The following GPR158 variants were observed in gnomAD, a reference collection of about 807,000 sequenced individuals.
GPR158 encodes the protein metabotropic glycine receptor.
GPR158 carries 30 observed loss-of-function variants against 78.2 expected under a neutral mutation model. That is an observed-to-expected ratio of 0.38 (90% confidence interval 0.29 to 0.52). The LOEUF (loss-of-function observed/expected upper bound fraction) is 0.52. Among genes scored for constraint, GPR158 ranks in the 20% least tolerant of loss-of-function variants. The pLI is 0.83. For missense variants in GPR158, 1,463 were observed against 1,523.5 expected (o/e 0.96, Z 0.66); for synonymous variants, 581 against 591.1 (o/e 0.98, Z 0.25).
intron 5 of GPR158, among the ~76,000 whole-genome samples, chr10:25,484,616 T>C (rs1835707771): frequency 6.6e-6 from 1 of 152,202 alleles, no homozygotes; most frequent in Admixed American, 6.5e-5. Flanking sequence ...AGAAATGTTG[T>C]CTCTGCAGCA....
intron 4 of GPR158, among the ~76,000 whole-genome samples, chr10:25,452,631 G>T (rs937794152): frequency 6.6e-6 from 1 of 152,150 alleles, no homozygotes; most frequent in African/African-American, 2.4e-5. Context: ...CAAGGCCTTA[G>T]GGGTCTTACT....
At chr10:25,315,484 G>T (rs931867349) in intron 2 of GPR158, among the ~76,000 whole-genome samples, 2 of 151,918 alleles carry the variant, frequency 1.3e-5, no homozygotes, top group Admixed American at 6.6e-5. Context: ...CTTTGTTTTA[G>T]GTGTGTTTTT....
intron 2 of GPR158, among the ~76,000 whole-genome samples, chr10:25,295,026 G>A (rs1299728681): frequency 6.6e-6 from 1 of 151,200 alleles, no homozygotes; most frequent in Non-Finnish European, 1.5e-5. Flanking sequence ...CGCTTTGCCA[G>A]CGTTTCATTA....
chr10:25,270,372 G>A (rs1854101938), intron 2 of GPR158, among the ~76,000 whole-genome samples: 1 of 152,100 alleles, frequency 6.6e-6, no homozygotes, highest in Admixed American at 6.6e-5. Context: ...TATGGAAGTA[G>A]AGCTGGTATA....
In GPR158 at chr10:25,252,344, C is replaced by G. The variant is rs1231144491; in HGVS notation, c.1008+31187C>G. On this transcript the variant is annotated intron_variant, in intron 2 of 10. Transcript: ENST00000376351. ...AAGTCATTCTCCATCCAGCTTTGTT[C>G]TGTTGCTGGTGAGGAGCTGCGTTCC... 2.0e-5 allele frequency among the ~76,000 whole-genome samples: 3 copies of G among 152,174 alleles called. No individual in the cohort carries two copies. The East Asian group carries it at 5.8e-4, about 29-fold the overall frequency.
Position 25,175,730 on chromosome 10 carries a change from G to A in GPR158, c.310G>A (p.Glu104Lys), listed in dbSNP as rs1294646089. 2.1e-5 allele frequency: 34 copies of A among 1,611,556 alleles called. No homozygotes were observed. Among genetic ancestry groups the A allele is most frequent in the Non-Finnish European group, 2.9e-5 (34 of 1,179,898 alleles). The change falls in exon 1 of 11, where the codon GAG becomes AAG. Residue 104 changes from glutamate to lysine, a missense_variant. Physicochemically the swap from Glu to Lys is moderately conservative, Grantham distance 56. Coordinates refer to ENST00000376351, the MANE Select transcript of GPR158 (RefSeq NM_020752.3). This position sits in a 1 kb window ranked among gnomAD's most constrained non-coding sequence, Gnocchi z 6.4. ...LKRANCSGRY[E>K]LAGLPGKWPA... The stretch of plus-strand genomic sequence containing the variant: ...GCGAGCCAACTGCTCCGGCCGCTAC[G>A]AGTTGGCGGGCCTGCCGGGGAAGTG...
intron 2 of GPR158, among the ~76,000 whole-genome samples, chr10:25,361,390 T>A (rs1355326546): frequency 2.6e-5 from 4 of 152,004 alleles, no homozygotes; most frequent in Non-Finnish European, 5.9e-5. Flanking sequence ...AGTGCCACTA[T>A]GAACATGGGT....
intron 2 of GPR158, among the ~76,000 whole-genome samples, chr10:25,297,746 G>A (rs1002951630): frequency 1.3e-5 from 2 of 152,108 alleles, no homozygotes; most frequent in Admixed American, 1.3e-4. Flanking sequence ...CTAGATTTGG[G>A]GCCAACAGAC....
chr10:25,405,355 T>TA (rs1445384974), intron 3 of GPR158, among the ~76,000 whole-genome samples: 4 of 151,994 alleles, frequency 2.6e-5, no homozygotes, highest in Non-Finnish European at 2.9e-5. Context: ...TACTTTTTTT[T>TA]AACTGTAGGA....
chr10:25,531,382 T>G (rs890286303), intron 5 of GPR158, among the ~76,000 whole-genome samples: 2 of 152,222 alleles, frequency 1.3e-5, no homozygotes, highest in African/African-American at 4.8e-5. Flanking sequence ...TGACCATGTG[T>G]TAAGCAGAGC....
chr10:25,284,730 T>C (rs1854323398), intron 2 of GPR158, among the ~76,000 whole-genome samples: 1 of 151,300 alleles, frequency 6.6e-6, no homozygotes, highest in African/African-American at 2.5e-5. Flanking sequence ...TTGGGTGTTA[T>C]TATTCCATTT....
Position 25,572,685 on chromosome 10 carries a change from A to G in GPR158, c.1551A>G (p.Arg517=). The G allele has an allele frequency of 1.2e-6, 2 of 1,614,044 alleles. No individual in the cohort carries two copies. Among genetic ancestry groups the G allele is most frequent in the Non-Finnish European group, 8.5e-7 (1 of 1,179,906 alleles). The change falls in exon 7 of 11, where the codon CGA becomes CGG. Residue 517 remains arginine, a synonymous_variant. Transcript: ENST00000376351. The part of the protein sequence containing the change: ...LKVFLSRTAQ[R]IPYMTGGRVM... ...TGTTTCTTTCACGAACGGCTCAACGAATTCCATATATGACTGGCGGACGGG... is the reference window on the plus strand; with the variant it reads ...TGTTTCTTTCACGAACGGCTCAACGGATTCCATATATGACTGGCGGACGGG...
At chr10:25,534,951 C>T (rs1836480680) in intron 5 of GPR158, among the ~76,000 whole-genome samples, 1 of 152,146 alleles carries the variant, frequency 6.6e-6, no homozygotes, top group South Asian at 2.1e-4. Flanking sequence ...GAATCATGAT[C>T]CTGAAGATGG....
chr10:25,483,090 C>G (rs1314873549), intron 5 of GPR158, among the ~76,000 whole-genome samples: 3 of 151,850 alleles, frequency 2.0e-5, no homozygotes, highest in Non-Finnish European at 4.4e-5. Flanking sequence ...ACTAGTATGC[C>G]TGTTCTCCAC....
At chr10:25,588,211 C>A (rs1269372228) in intron 7 of GPR158, among the ~76,000 whole-genome samples, 1 of 152,176 alleles carries the variant, frequency 6.6e-6, no homozygotes, top group Non-Finnish European at 1.5e-5. Flanking sequence ...GAAATACATA[C>A]TTTTATTATC....
chr10:25,260,535 G>T (rs577281237), intron 2 of GPR158, among the ~76,000 whole-genome samples: 141 of 151,694 alleles, frequency 9.3e-4, no homozygotes, highest in African/African-American at 3.3e-3. Flanking sequence ...TTCTTCCAAA[G>T]AATCCAGAGT....
chr10:25,564,024 C>T (rs1463614454), intron 6 of GPR158, among the ~76,000 whole-genome samples: 1 of 152,032 alleles, frequency 6.6e-6, no homozygotes, highest in Non-Finnish European at 1.5e-5. Flanking sequence ...ATTCTCCATC[C>T]TTTCCAGGCT....
chr10:25,228,138 A>G (rs956673232), intron 2 of GPR158, among the ~76,000 whole-genome samples: 1 of 152,194 alleles, frequency 6.6e-6, no homozygotes, highest in African/African-American at 2.4e-5. Flanking sequence ...AGCAAGGCTT[A>G]GTGGCACATG....
At chr10:25,485,301 A>G (rs1835721453) in intron 5 of GPR158, among the ~76,000 whole-genome samples, 4 of 152,140 alleles carry the variant, frequency 2.6e-5, no homozygotes, top group African/African-American at 7.2e-5. Context: ...CAAGGGCTAC[A>G]TAATGTCTCT....
Sources: allele counts gnomAD v4.1 joint callset (sites outside exome capture counted in the v4.1 genomes callset), GRCh38; gene constraint gnomAD v4.1.1; non-coding constraint Gnocchi (gnomAD v3.1); transcripts MANE v1.5; gene names NCBI Gene and HGNC (gene_info 2026-07-23, HGNC 2026-07-21).